The following JAK2 variants were observed in gnomAD, a reference collection of about 807,000 sequenced individuals.
JAK2 encodes tyrosine-protein kinase JAK2.
In JAK2, 86 loss-of-function variants were observed where a neutral mutation model predicts 139.3. The ratio of observed to expected loss-of-function variants is 0.62; its 90% CI spans 0.52 to 0.74. The LOEUF (loss-of-function observed/expected upper bound fraction) is 0.74, where lower values mean the gene tolerates loss of function less well. Ranked by LOEUF, JAK2 falls within the 30% of genes least tolerant of loss-of-function variation. The pLI, the probability that JAK2 is intolerant of heterozygous loss-of-function variation, is 0.00. For missense variants in JAK2, 1,421 were observed against 1,360.3 expected (o/e 1.04, Z -0.70); for synonymous variants, 490 against 437.7 (o/e 1.12, Z -1.49).
intron 3 of JAK2, among the ~76,000 whole-genome samples, chr9:5,024,716 C>G (rs1032735659): frequency 6.6e-6 from 1 of 152,150 alleles, no homozygotes; most frequent in African/African-American, 2.4e-5. Context: ...TGTTCATTTG[C>G]AATGTTTTCA....
In JAK2 at chr9:5,114,932, A is replaced by AAAAC. The variant is rs537669733; in HGVS notation, c.3060-8050_3060-8047dup. On this transcript the variant is annotated intron_variant, in intron 22 of 24. Coordinates refer to ENST00000381652, the MANE Select transcript of JAK2 (RefSeq NM_004972.4). Reference sequence around the variant, plus strand: ...CCCCCAATAAACAGTGCCTGCTCAGAAAACAAACAAACAAACAAACAAACA... The same window carrying AAAAC: ...CCCCCAATAAACAGTGCCTGCTCAGAAAACAAACAAACAAACAAACAAACAAACA... The AAAAC allele has an allele frequency of 7.4e-3, 1,320 of 178,380 alleles. 9 individuals carry two copies. Among genetic ancestry groups the AAAAC allele is most frequent in the Admixed American group, 0.019 (300 of 15,776 alleles). The allele number at this position is 178,380 out of a possible 1,614,324, so 11.0% of individuals were successfully genotyped here.
intron 6 of JAK2, among the ~76,000 whole-genome samples, chr9:5,052,005 T>A (rs1410291270): frequency 6.6e-6 from 1 of 152,094 alleles, no homozygotes; most frequent in South Asian, 2.1e-4. Flanking sequence ...CAGCTACTTA[T>A]TGAATACTTG....
chr9:5,092,048 A>T (rs1208659103), intron 22 of JAK2, among the ~76,000 whole-genome samples: 1 of 152,174 alleles, frequency 6.6e-6, no homozygotes, highest in Non-Finnish European at 1.5e-5. Flanking sequence ...ATTAATAACA[A>T]TCAGAATTGT....
intron 2 of JAK2, among the ~76,000 whole-genome samples, chr9:5,014,520 A>G (rs1221248572): frequency 2.0e-5 from 3 of 152,150 alleles, no homozygotes; most frequent in African/African-American, 7.2e-5. Flanking sequence ...AATCTAATCT[A>G]TGGTGGGAAA....
intron 2 of JAK2, among the ~76,000 whole-genome samples, chr9:4,992,288 G>A (rs12348178): frequency 0.016 from 2,411 of 152,244 alleles, 56 homozygotes; most frequent in African/African-American, 0.054. Context: ...TCATAGTGGT[G>A]AGTAGAGAAT....
At chr9:5,072,439 T>C (rs1285162868) in intron 12 of JAK2, 53 bp from the exon 13 acceptor site, 17 of 1,374,214 alleles carry the variant, frequency 1.2e-5, no homozygotes, top group Non-Finnish European at 1.7e-5. Flanking sequence ...TTCTTGTTCC[T>C]ACTTCGTTCT....
chr9:5,022,135 T>A lies in JAK2; in HGVS notation c.148T>A (p.Ser50Thr). 1 of 1,614,156 alleles carries A rather than the reference T, an allele frequency of 6.2e-7. No homozygotes were observed. The highest frequency in any genetic ancestry group is 8.5e-7 in the Non-Finnish European group (1 of 1,180,018). Residue 50 changes from serine to threonine, a missense_variant, in exon 3 of 25, where the codon TCT becomes ACT. Transcript: ENST00000381652. ...QVYLYHSLGK[S>T]EADYLTFPSG... is the part of the protein sequence containing the mutation. ...GTATCTTTACCATTCCCTTGGGAAATCTGAGGCAGATTATCTGACCTTTCC... is the reference window on the plus strand; with the variant it reads ...GTATCTTTACCATTCCCTTGGGAAAACTGAGGCAGATTATCTGACCTTTCC...
intron 12 of JAK2, 100 bp downstream of exon 12, chr9:5,070,152 T>A: frequency 1.3e-6 from 1 of 772,010 alleles, no homozygotes; most frequent in Non-Finnish European, 1.9e-6. Flanking sequence ...TTTTGTTATA[T>A]ACAAATTTAG....
intron 9 of JAK2, among the ~76,000 whole-genome samples, chr9:5,065,525 A>G (rs75070228): frequency 6.6e-6 from 1 of 152,208 alleles, no homozygotes; most frequent in Non-Finnish European, 1.5e-5. Context: ...TGTGTAACAC[A>G]GCAGCCACTA....
intron 2 of JAK2, among the ~76,000 whole-genome samples, chr9:5,020,229 G>T (rs1177585441): frequency 1.3e-5 from 2 of 152,178 alleles, no homozygotes; most frequent in Non-Finnish European, 2.9e-5. Flanking sequence ...GTGTGAGTGG[G>T]AACCAGCTGT....
intron 19 of JAK2, chr9:5,086,179 C>T: frequency 2.2e-6 from 1 of 465,044 alleles, no homozygotes; most frequent in South Asian, 5.4e-5. Context: ...CCGCCGGTCT[C>T]CAGCAACAGC....
intron 22 of JAK2, among the ~76,000 whole-genome samples, chr9:5,096,055 A>AC (rs1820961895): frequency 6.6e-6 from 1 of 152,194 alleles, no homozygotes; most frequent in Non-Finnish European, 1.5e-5. Flanking sequence ...TAGTCTTATT[A>AC]CCCCAACCAT....
chr9:5,115,407 A>G (rs968168241), intron 22 of JAK2, among the ~76,000 whole-genome samples: 6 of 152,200 alleles, frequency 3.9e-5, no homozygotes, highest in Admixed American at 2.0e-4. Context: ...AAAGTCAGGC[A>G]ACAACAGATG....
chr9:5,032,010 T>A (rs549061001), intron 4 of JAK2, among the ~76,000 whole-genome samples: 8 of 152,300 alleles, frequency 5.3e-5, no homozygotes, highest in Admixed American at 3.9e-4. Context: ...CCTTTCCTAG[T>A]CAAAGAAAGG....
At chr9:5,007,785 T>C (rs1016776348) in intron 2 of JAK2, among the ~76,000 whole-genome samples, 3 of 151,912 alleles carry the variant, frequency 2.0e-5, no homozygotes, top group African/African-American at 7.3e-5. Flanking sequence ...AGTGGTGTGA[T>C]ATCTGAGCCT....
chr9:5,016,622 A>C (rs1822077011), intron 2 of JAK2, among the ~76,000 whole-genome samples: 1 of 152,216 alleles, frequency 6.6e-6, no homozygotes, highest in African/African-American at 2.4e-5. Context: ...CAGCTTAACA[A>C]ATTTTCATAA....
At chr9:5,020,280 C>T (rs1462376743) in intron 2 of JAK2, among the ~76,000 whole-genome samples, 1 of 152,148 alleles carries the variant, frequency 6.6e-6, no homozygotes, top group Non-Finnish European at 1.5e-5. Context: ...CCTCAGACCC[C>T]CAGGTGGAAT....
chr9:5,056,037 A>G lies in JAK2; in HGVS notation c.1056+249A>G, dbSNP rs10974938. 0.23 allele frequency among the ~76,000 whole-genome samples: 35,176 copies of G among 151,920 alleles called. 4,416 individuals are homozygous for G. The highest frequency in any genetic ancestry group is 0.3 in the South Asian group (1,448 of 4,820). ...TACTCATTTTTATGATTAGCAAAGC[A>G]CCAGTTACTTTCTCCCCCATCCCTA... is the stretch of plus-strand genomic sequence containing the variant. On this transcript the variant is annotated intron_variant, in intron 8 of 24. Transcript: ENST00000381652.
chr9:5,012,543 A>T (rs1006381679), intron 2 of JAK2, among the ~76,000 whole-genome samples: 1 of 152,136 alleles, frequency 6.6e-6, no homozygotes, highest in African/African-American at 2.4e-5. Context: ...TGAACTTCTC[A>T]TTAAGGGAGG....
Sources: allele counts gnomAD v4.1 joint callset (sites outside exome capture counted in the v4.1 genomes callset), GRCh38; gene constraint gnomAD v4.1.1; transcripts MANE v1.5; gene names NCBI Gene and HGNC (gene_info 2026-07-23, HGNC 2026-07-21).